NUP210: variants seen among roughly 807,000 people sequenced by gnomAD.
NUP210 encodes nuclear pore membrane glycoprotein 210.
Under a neutral mutation model 196.0 loss-of-function variants are expected in NUP210, and 151 were observed. The ratio of observed to expected loss-of-function variants is 0.77; its 90% CI spans 0.67 to 0.88. NUP210 has a LOEUF of 0.88. NUP210 is among the 40% of genes least tolerant of loss of function. NUP210 has a pLI of 0.00. For missense variants in NUP210, 2,314 were observed against 2,493.7 expected (o/e 0.93, Z 1.53); for synonymous variants, 1,070 against 1,052.7 (o/e 1.02, Z -0.32).
intron 32 of NUP210, 111 bp from the exon 33 acceptor site, chr3:13,326,042 T>G: frequency 1.4e-6 from 2 of 1,400,660 alleles, no homozygotes; most frequent in Non-Finnish European, 2.0e-6. Flanking sequence ...GCTACCCCCA[T>G]GGGGGCTCAC....
At chr3:13,409,857 G>C (rs1559350523) in intron 1 of NUP210, among the ~76,000 whole-genome samples, 1 of 147,588 alleles carries the variant, frequency 6.8e-6, no homozygotes, top group African/African-American at 2.6e-5. Flanking sequence ...TTTTTTTGGA[G>C]ACGGAGTCTC....
intron 3 of NUP210, among the ~76,000 whole-genome samples, chr3:13,393,989 AAT>A (rs1303163566): frequency 6.6e-6 from 1 of 152,222 alleles, no homozygotes; most frequent in Non-Finnish European, 1.5e-5. Context: ...AGTCCAGAAG[AAT>A]GAACTGATTT....
At chr3:13,403,554 C>A (rs932080924) in intron 1 of NUP210, among the ~76,000 whole-genome samples, 1 of 152,194 alleles carries the variant, frequency 6.6e-6, no homozygotes, top group South Asian at 2.1e-4. Context: ...CATTCGTTCA[C>A]GTGGTGAGTG....
Position 13,371,771 on chromosome 3 carries a change from G to A in NUP210, c.1786+63C>T, listed in dbSNP as rs1477626506. ...CTTTGGGAATCTGGCGGTCCATGCT[G>A]AGAACCCAGACAATCTGGCCCCAAT... On this transcript the variant is annotated intron_variant, in intron 13 of 39. Transcript: ENST00000254508. The A allele has an allele frequency of 1.0e-5, 15 of 1,472,912 alleles. No homozygotes were observed. The East Asian group carries it at 2.9e-4, about 29-fold the overall frequency. 91.2% of individuals were successfully genotyped at this position (1,472,912 alleles called of 1,614,324 possible). A position where few individuals can be genotyped will look rare whatever the true frequency, so the allele number is the denominator to read the frequency against.
Position 13,358,303 on chromosome 3 carries a change from C to T in NUP210, c.2247G>A (p.Pro749=), listed in dbSNP as rs768612746. ...AGACAGGCGCGAGGGTGAGCCTGGACGGTGGGGCGCAGACGAACTTCACCA... is the reference window on the plus strand; with the variant it reads ...AGACAGGCGCGAGGGTGAGCCTGGATGGTGGGGCGCAGACGAACTTCACCA... ...PAVVKFVCAP[P]SRLTLAPVYT... is the part of the protein sequence containing the mutation. Residue 749 remains proline (P), a synonymous_variant, in exon 16 of 40, where the codon CCG becomes CCA. Transcript: ENST00000254508. The T allele has an allele frequency of 1.3e-5, 21 of 1,613,630 alleles. No homozygotes were observed. The highest frequency in any genetic ancestry group is 2.7e-5 in the African/African-American group (2 of 74,894).
chr3:13,367,883 T>C (rs1698594287), intron 13 of NUP210, among the ~76,000 whole-genome samples: 1 of 152,168 alleles, frequency 6.6e-6, no homozygotes. Context: ...CTGGGTGCCT[T>C]CCTCTTGGGG....
chr3:13,357,253 T>C (rs984673681), intron 16 of NUP210, among the ~76,000 whole-genome samples: 1 of 152,344 alleles, frequency 6.6e-6, no homozygotes, highest in South Asian at 2.1e-4. Context: ...AAAGAATCAA[T>C]GGAGTGAGTT....
intron 16 of NUP210, among the ~76,000 whole-genome samples, chr3:13,354,957 T>C (rs546980154): frequency 6.6e-6 from 1 of 152,332 alleles, no homozygotes; most frequent in South Asian, 2.1e-4. Context: ...CTCCCTTCTC[T>C]GGCCACATAG....
At chr3:13,354,191 A>G in intron 16 of NUP210, 84 bp from the exon 17 acceptor site, 1 of 1,216,996 alleles carries the variant, frequency 8.2e-7, no homozygotes. Flanking sequence ...TGAGGCCAGC[A>G]GCTGCCCTGT....
At chr3:13,401,231 G>C (rs1413911160) in intron 1 of NUP210, among the ~76,000 whole-genome samples, 1 of 133,088 alleles carries the variant, frequency 7.5e-6, no homozygotes, top group African/African-American at 2.9e-5. Context: ...TTGCATTCCA[G>C]CCTGGGCAAC....
At chr3:13,371,613 T>C (rs1215161455) in intron 13 of NUP210, among the ~76,000 whole-genome samples, 1 of 152,222 alleles carries the variant, frequency 6.6e-6, no homozygotes, top group Non-Finnish European at 1.5e-5. Flanking sequence ...ATGTGAAAAC[T>C]GAGGCTGAGC....
At chr3:13,365,437 T>C (rs1465946100) in intron 14 of NUP210, among the ~76,000 whole-genome samples, 1 of 152,202 alleles carries the variant, frequency 6.6e-6, no homozygotes, top group African/African-American at 2.4e-5. Context: ...GCACAGGCCG[T>C]GGCCACCACT....
rs367626909 is a variant in NUP210, at chr3:13,340,298, C to T, written c.3229G>A (p.Val1077Ile). ...RINSAPQQIE[V>I]FPPFRLMPRK... ...GGCATCAGCCTGAACGGGGGAAAGA[C>T]CTGTTGAGAGACACAGGAGAGAAAG... Residue 1077 changes from valine (V) to isoleucine (I), a missense_variant and splice_region_variant, in exon 24 of 40, where the codon GTC becomes ATC. Val to Ile is a conservative substitution (Grantham distance 29). Coordinates refer to ENST00000254508, the MANE Select transcript of NUP210 (RefSeq NM_024923.4). The surrounding 1 kb of genome is among the most constrained non-coding windows in gnomAD (Gnocchi z 4.0). 172 of 1,613,218 alleles carry T rather than the reference C, an allele frequency of 1.1e-4. No individual in the cohort carries two copies. The highest frequency in any genetic ancestry group is 1.4e-4 in the Non-Finnish European group (167 of 1,179,998).
At chr3:13,346,933 C>T (rs1376169182) in intron 20 of NUP210, among the ~76,000 whole-genome samples, 3 of 152,220 alleles carry the variant, frequency 2.0e-5, no homozygotes, top group Non-Finnish European at 4.4e-5. Context: ...TGAAACTTCA[C>T]ACAGGGACCC....
At chr3:13,332,165 C>CGTAT in intron 29 of NUP210, 128 bp downstream of exon 29, 1 of 715,312 alleles carries the variant, frequency 1.4e-6, no homozygotes, top group Non-Finnish European at 2.5e-6. Flanking sequence ...GAGGCCTCAC[C>CGTAT]CATTCCAAGC....
chr3:13,348,117 CCT>C lies in NUP210; in HGVS notation c.2835+3760_2835+3761del, dbSNP rs1241396583. 6.6e-6 allele frequency among the ~76,000 whole-genome samples: 1 copy of C among 152,196 alleles called. No individual in the cohort carries two copies. The highest frequency in any genetic ancestry group is 1.5e-5 in the Non-Finnish European group (1 of 68,030). ...TTCAGAAAGAGAGTGCCAGAGCTCC[CCT>C]GTGGCCACCTGTAAAACAGAACTGC... On this transcript the variant is annotated intron_variant, in intron 20 of 39. Coordinates refer to ENST00000254508, the MANE Select transcript of NUP210 (RefSeq NM_024923.4). This position sits in a 1 kb window ranked among gnomAD's most constrained non-coding sequence, Gnocchi z 4.0.
At position 13,332,299 on chromosome 3, in the gene NUP210, G is replaced by A; in HGVS notation, c.3929C>T (p.Thr1310Ile). 6.2e-7 allele frequency: 1 copy of A among 1,613,088 alleles called. No individual in the cohort carries two copies. The highest frequency in any genetic ancestry group is 1.1e-5 in the South Asian group (1 of 91,052). The change falls in exon 29 of 40, where the codon ACA becomes ATA. Residue 1310 changes from threonine (T) to isoleucine (I), a missense_variant. Transcript: ENST00000254508. Reference sequence around the variant, plus strand: ...CAAGAGCTGAGTCACGTACCTGTTTGTCTGCAGCTTTATATATGAGTTGGG... The same window carrying A: ...CAAGAGCTGAGTCACGTACCTGTTTATCTGCAGCTTTATATATGAGTTGGG... The part of the protein sequence containing the change: ...MSPNSYIKLQ[T>I]NRDGAASLSY...
intron 20 of NUP210, chr3:13,345,244 C>T: frequency 1.0e-6 from 1 of 985,234 alleles, no homozygotes; most frequent in Non-Finnish European, 1.2e-6. Context: ...TCACCTGCAA[C>T]CCTCATGGAC....
chr3:13,379,103 A>C lies in NUP210; in HGVS notation c.977-123T>G. On this transcript the variant is annotated intron_variant, in intron 7 of 39. Coordinates refer to ENST00000254508, the MANE Select transcript of NUP210 (RefSeq NM_024923.4). This position sits in a 1 kb window ranked among gnomAD's most constrained non-coding sequence, Gnocchi z 4.2. ...CATGGAGAGAAGAAGAGGGGATGAA[A>C]ACTCCCCTGGCTTAGGCCACGTAGA... 1.2e-6 allele frequency: 1 copy of C among 851,578 alleles called. No homozygotes were observed. The highest frequency in any genetic ancestry group is 2.0e-6 in the Non-Finnish European group (1 of 502,550). The allele number at this position is 851,578 out of a possible 1,614,324, so 52.8% of individuals were successfully genotyped here.
Sources: gnomAD v4.1 joint callset for allele counts (sites outside exome capture counted in the v4.1 genomes callset) on GRCh38, gnomAD v4.1.1 for gene constraint, Gnocchi (gnomAD v3.1) non-coding constraint, MANE v1.5 for transcripts, NCBI Gene and HGNC (gene_info 2026-07-23, HGNC 2026-07-21) for gene names.